The following SPATS2 variants were observed in gnomAD, a reference collection of about 807,000 sequenced individuals.
SPATS2 encodes spermatogenesis-associated serine-rich protein 2.
Under a neutral mutation model 63.7 loss-of-function variants are expected in SPATS2, and 38 were observed. The ratio of observed to expected loss-of-function variants is 0.60; its 90% CI spans 0.46 to 0.78. The LOEUF (loss-of-function observed/expected upper bound fraction) is 0.78. SPATS2 is among the 30% of genes least tolerant of loss of function. The pLI is 0.00. For synonymous variants in SPATS2, 207 were observed against 232.9 expected, an observed-to-expected ratio of 0.89 and a Z score of 1.01; for missense variants, 588 against 666.2, an observed-to-expected ratio of 0.88 and a Z score of 1.29.
chr12:49,486,661 C>T (rs1252157284), intron 4 of SPATS2, among the ~76,000 whole-genome samples: 3 of 151,820 alleles, frequency 2.0e-5, no homozygotes, highest in Non-Finnish European at 4.4e-5. Flanking sequence ...GAGTCTCCCT[C>T]TGTTGCCCAG....
rs375223857 is a variant in SPATS2 at position 49,424,300 on chromosome 12, G to A, written c.-243-36470G>A. On this transcript the variant is annotated intron_variant, in intron 2 of 13. Transcript: ENST00000552918. ...TTTGTTCCTCAGCCCCATGTAGTCC[G>A]TTCAGCAGCCATCTTCTTCTGAGAC... Among the ~76,000 whole-genome samples the A allele has an allele frequency of 1.9e-4, 29 of 152,254 alleles. 1 individual carries two copies. Among genetic ancestry groups the A allele is most frequent in the Admixed American group, 6.5e-4 (10 of 15,280 alleles).
At chr12:49,387,649 A>G (rs1180171925) in intron 2 of SPATS2, among the ~76,000 whole-genome samples, 1 of 151,290 alleles carries the variant, frequency 6.6e-6, no homozygotes, top group African/African-American at 2.4e-5. Context: ...AAAAAAAAAA[A>G]AAAAAAAAAA....
chr12:49,485,695 GT>G (rs1308933693), intron 4 of SPATS2, among the ~76,000 whole-genome samples: 5 of 151,086 alleles, frequency 3.3e-5, no homozygotes, highest in South Asian at 2.1e-4. Flanking sequence ...AAACCAAGTG[GT>G]TTTAGTAATG....
chr12:49,521,463 C>T (rs1205477924), intron 11 of SPATS2, among the ~76,000 whole-genome samples: 1 of 151,948 alleles, frequency 6.6e-6, no homozygotes, highest in Non-Finnish European at 1.5e-5. Flanking sequence ...TATAGAAAGG[C>T]CTCCTCACAT....
intron 3 of SPATS2, among the ~76,000 whole-genome samples, chr12:49,466,985 G>A (rs1270328130): frequency 1.4e-5 from 2 of 147,300 alleles, no homozygotes; most frequent in Non-Finnish European, 3.0e-5. Flanking sequence ...ATGGTTTACA[G>A]ATTTAAATGT....
chr12:49,509,408 G>T (rs1946710882), intron 9 of SPATS2, among the ~76,000 whole-genome samples: 1 of 149,026 alleles, frequency 6.7e-6, no homozygotes, highest in Non-Finnish European at 1.5e-5. Context: ...AGTCTCCCAT[G>T]CAATTGGGAT....
At chr12:49,408,093 T>TA (rs1944727290) in intron 2 of SPATS2, among the ~76,000 whole-genome samples, 1 of 152,218 alleles carries the variant, frequency 6.6e-6, no homozygotes, top group Non-Finnish European at 1.5e-5. Flanking sequence ...AAAAAGTTAT[T>TA]AGTTATTAGA....
chr12:49,515,928 T>C (rs1257905076), intron 10 of SPATS2, among the ~76,000 whole-genome samples: 1 of 150,548 alleles, frequency 6.6e-6, no homozygotes, highest in African/African-American at 2.4e-5. Context: ...GATCACGAGG[T>C]CAGGAGATCG....
chr12:49,481,669 T>TAAAGGA (rs1368806897), intron 3 of SPATS2, among the ~76,000 whole-genome samples: 66 of 151,998 alleles, frequency 4.3e-4, no homozygotes, highest in African/African-American at 1.5e-3. Context: ...GGTTTCACCA[T>TAAAGGA]GTTTGCTGAT....
intron 1 of SPATS2, among the ~76,000 whole-genome samples, chr12:49,370,997 G>A (rs1326914903): frequency 6.6e-6 from 1 of 152,354 alleles, no homozygotes; most frequent in Non-Finnish European, 1.5e-5. Context: ...TATAGCATGA[G>A]CCACCTCACC....
intron 2 of SPATS2, among the ~76,000 whole-genome samples, chr12:49,427,662 G>C (rs1026612353): frequency 2.6e-5 from 4 of 152,132 alleles, no homozygotes; most frequent in Admixed American, 2.6e-4. Context: ...TTTAAATTAT[G>C]ACCTCAATTT....
chr12:49,386,701 G>A (rs535350305), intron 2 of SPATS2, among the ~76,000 whole-genome samples: 2 of 152,306 alleles, frequency 1.3e-5, no homozygotes, highest in African/African-American at 4.8e-5. Flanking sequence ...GTGGCTAAGA[G>A]ATAGTGAAAA....
At chr12:49,525,185 C>T (rs559095986) in intron 13 of SPATS2, among the ~76,000 whole-genome samples, 1 of 152,156 alleles carries the variant, frequency 6.6e-6, no homozygotes, top group African/African-American at 2.4e-5. Flanking sequence ...GAGTCGTGCA[C>T]CCATCTCAAG....
intron 2 of SPATS2, among the ~76,000 whole-genome samples, chr12:49,414,932 TTTCTTTTC>T (rs1359533276): frequency 1.4e-5 from 2 of 146,326 alleles, no homozygotes; most frequent in African/African-American, 5.2e-5. Context: ...TTTTTTTCTT[TTTCTTTTC>T]TTTTTTTTTT....
At chr12:49,405,427 G>A (rs1303290440) in intron 2 of SPATS2, among the ~76,000 whole-genome samples, 2 of 152,166 alleles carry the variant, frequency 1.3e-5, no homozygotes, top group African/African-American at 4.8e-5. Flanking sequence ...GCTGGGCACC[G>A]TGGCTCACGC....
chr12:49,466,460 G>A (rs1403681726), intron 3 of SPATS2, among the ~76,000 whole-genome samples: 3 of 152,098 alleles, frequency 2.0e-5, no homozygotes, highest in Non-Finnish European at 4.4e-5. Context: ...GAGCCACCCC[G>A]CCTGGCTGAG....
intron 2 of SPATS2, among the ~76,000 whole-genome samples, chr12:49,383,094 T>A (rs1210866687): frequency 1.3e-5 from 2 of 152,064 alleles, no homozygotes; most frequent in East Asian, 3.9e-4. Flanking sequence ...TTTGGCTCAA[T>A]GCAGCCTCCG....
intron 9 of SPATS2, among the ~76,000 whole-genome samples, chr12:49,506,517 C>G (rs1946657078): frequency 6.6e-6 from 1 of 152,140 alleles, no homozygotes; most frequent in Non-Finnish European, 1.5e-5. Flanking sequence ...CCCTATGATT[C>G]AGTTATCTTC....
At chr12:49,401,311 CT>C (rs974799725) in intron 2 of SPATS2, among the ~76,000 whole-genome samples, 1 of 152,234 alleles carries the variant, frequency 6.6e-6, no homozygotes, top group African/African-American at 2.4e-5. Flanking sequence ...GCATCTGGCT[CT>C]TTTTTTCCTT....
Sources: allele counts gnomAD v4.1 joint callset (sites outside exome capture counted in the v4.1 genomes callset), GRCh38; gene constraint gnomAD v4.1.1; transcripts MANE v1.5; gene names NCBI Gene and HGNC (gene_info 2026-07-23, HGNC 2026-07-21).